VRK2: variants seen among roughly 807,000 people sequenced by gnomAD.
VRK2 encodes VRK serine/threonine kinase 2, also known as serine/threonine-protein kinase VRK2.
A neutral mutation model predicts 57.6 loss-of-function variants in VRK2; 60 were observed. That is an observed-to-expected ratio of 1.04 (90% CI 0.85 to 1.29). The LOEUF is 1.29. Ranked by LOEUF, VRK2 falls within the 50% of genes most tolerant of loss-of-function variation. VRK2 has a pLI of 0.00. For synonymous variants in VRK2, 231 were observed against 199.2 expected (o/e 1.16, Z -1.35); for missense variants, 705 against 588.1 (o/e 1.20, Z -2.06).
chr2:58,131,975 G>A, intron 9 of VRK2, 47 bp downstream of exon 9: 1 of 1,605,216 alleles, frequency 6.2e-7, no homozygotes, highest in South Asian at 1.1e-5. Flanking sequence ...AGGTCTGAAG[G>A]GATACATTAA....
rs145598345 is a variant in VRK2, at chr2:58,059,529, A to G, written c.136+10562A>G. ...AAGTAGGCCTTTTAAAGAGTAAAAC[A>G]AACAGAAAATACTTAAGATAAATAG... is the stretch of plus-strand genomic sequence containing the variant. On this transcript the variant is annotated intron_variant, in intron 2 of 12. Coordinates refer to ENST00000340157, the MANE Select transcript of VRK2 (RefSeq NM_006296.7). Among the ~76,000 whole-genome samples the G allele has an allele frequency of 4.3e-3, 647 of 152,076 alleles. 7 individuals carry two copies. Among genetic ancestry groups the G allele is most frequent in the African/African-American group, 0.015 (617 of 41,558 alleles).
At chr2:58,120,184 C>CTTTCTTTTTTTTTTTTTTTTTTTTTTT (rs1677215194) in intron 7 of VRK2, among the ~76,000 whole-genome samples, 1 of 51,988 alleles carries the variant, frequency 1.9e-5, no homozygotes, top group African/African-American at 1.0e-4. Flanking sequence ...TTTTTCTTTT[C>CTTTCTTTTTTTTTTTTTTTTTTTTTTT]TTTTTTTTTT....
chr2:58,126,437 A>G (rs560638080), intron 8 of VRK2, among the ~76,000 whole-genome samples: 20 of 152,272 alleles, frequency 1.3e-4, no homozygotes, highest in Non-Finnish European at 2.5e-4. Context: ...CAGTCATTAC[A>G]TCTAAGCATT....
intron 2 of VRK2, among the ~76,000 whole-genome samples, chr2:58,083,233 C>T (rs1342103707): frequency 6.6e-6 from 1 of 151,404 alleles, no homozygotes; most frequent in Non-Finnish European, 1.5e-5. Flanking sequence ...AATATTTTAG[C>T]TATTTAAATG....
intron 7 of VRK2, among the ~76,000 whole-genome samples, chr2:58,106,836 C>G (rs1674828783): frequency 6.6e-6 from 1 of 151,910 alleles, no homozygotes; most frequent in South Asian, 2.1e-4. Flanking sequence ...TCTAATAAAC[C>G]TCATATTTGA....
rs188318246 is a variant in VRK2, at chr2:57,955,359, A to G, written c.-439+47520A>G. Reference sequence around the variant, plus strand: ...TATATGCAAACACATATATCTAAATATATGCAAACACATAAATATATCTCT... The same window carrying G: ...TATATGCAAACACATATATCTAAATGTATGCAAACACATAAATATATCTCT... On this transcript the variant is annotated intron_variant, in intron 1 of 15. Transcript: ENST00000417641. Among the ~76,000 whole-genome samples the G allele has an allele frequency of 3.3e-3, 504 of 150,756 alleles. 4 individuals carry two copies. Among genetic ancestry groups the G allele is most frequent in the Admixed American group, 0.012 (183 of 15,246 alleles).
At chr2:57,916,732 G>A (rs924692449) in intron 1 of VRK2, among the ~76,000 whole-genome samples, 2 of 152,138 alleles carry the variant, frequency 1.3e-5, no homozygotes, top group Non-Finnish European at 2.9e-5. Flanking sequence ...CTTAGACCAT[G>A]TGTTTTACTA....
intron 2 of VRK2, among the ~76,000 whole-genome samples, chr2:58,065,605 A>G (rs1324245797): frequency 6.6e-6 from 1 of 152,100 alleles, no homozygotes; most frequent in East Asian, 1.9e-4. Flanking sequence ...TTTTCCATAT[A>G]CATAATTAAT....
intron 1 of VRK2, among the ~76,000 whole-genome samples, chr2:57,966,413 T>A (rs528742378): frequency 3.2e-4 from 48 of 152,312 alleles, no homozygotes; most frequent in African/African-American, 1.2e-3. Flanking sequence ...AGTAAGTATA[T>A]AGGTAATAAG....
At chr2:58,116,521 T>C (rs1331877264) in intron 7 of VRK2, among the ~76,000 whole-genome samples, 1 of 152,000 alleles carries the variant, frequency 6.6e-6, no homozygotes, top group African/African-American at 2.4e-5. Flanking sequence ...ACAACAGTTA[T>C]GGAGGCAAGG....
chr2:57,990,630 C>T (rs1672734481), intron 1 of VRK2, among the ~76,000 whole-genome samples: 1 of 152,134 alleles, frequency 6.6e-6, no homozygotes, highest in Non-Finnish European at 1.5e-5. Flanking sequence ...GTAGAGCTCA[C>T]ACATATGGAA....
At chr2:58,020,480 C>T (rs1673721386) in intron 1 of VRK2, among the ~76,000 whole-genome samples, 1 of 152,248 alleles carries the variant, frequency 6.6e-6, no homozygotes, top group African/African-American at 2.4e-5. Flanking sequence ...ACTGGGATTA[C>T]AGGTGCAAAG....
At chr2:57,936,608 A>C (rs189059302) in intron 1 of VRK2, among the ~76,000 whole-genome samples, 63 of 149,350 alleles carry the variant, frequency 4.2e-4, no homozygotes, top group Non-Finnish European at 7.5e-4. Flanking sequence ...ATCTCAGCTC[A>C]CTGCAACCTC....
At chr2:57,908,982 C>T (rs914105400) in intron 1 of VRK2, among the ~76,000 whole-genome samples, 2 of 152,126 alleles carry the variant, frequency 1.3e-5, no homozygotes, top group Non-Finnish European at 2.9e-5. Context: ...TAATTAGGGA[C>T]GTTCCAATAG....
chr2:58,140,316 C>G (rs1681144723), intron 11 of VRK2, among the ~76,000 whole-genome samples: 1 of 151,854 alleles, frequency 6.6e-6, no homozygotes, highest in Non-Finnish European at 1.5e-5. Flanking sequence ...TAAAAAAAAT[C>G]ATTTTTTAAA....
chr2:58,126,465 A>G (rs552578623), intron 8 of VRK2, among the ~76,000 whole-genome samples: 4 of 152,258 alleles, frequency 2.6e-5, no homozygotes, highest in African/African-American at 9.6e-5. Flanking sequence ...TCAAATTTAC[A>G]TAAAAGGAGA....
At chr2:58,059,367 A>T (rs561741044) in intron 2 of VRK2, among the ~76,000 whole-genome samples, 3 of 152,010 alleles carry the variant, frequency 2.0e-5, no homozygotes, top group Non-Finnish European at 2.9e-5. Flanking sequence ...CAACAGGAAG[A>T]TCTAAATAGA....
chr2:58,058,534 A>G (rs1234582936), intron 2 of VRK2: 2 of 381,144 alleles, frequency 5.2e-6, no homozygotes, highest in Non-Finnish European at 5.3e-6. Flanking sequence ...TAATGTTACC[A>G]AAGTCTCACT....
chr2:58,137,156 T>TTATATATCATATATATCATATATATCA (rs1680378990), intron 10 of VRK2, among the ~76,000 whole-genome samples: 1 of 24,442 alleles, frequency 4.1e-5, no homozygotes, highest in African/African-American at 1.2e-4. Flanking sequence ...TATCATGTGT[T>TTATATATCATATATATCATATATATCA]TATATATATC....
Sources: allele counts gnomAD v4.1 joint callset (sites outside exome capture counted in the v4.1 genomes callset), GRCh38; gene constraint gnomAD v4.1.1; transcripts MANE v1.5; gene names NCBI Gene and HGNC (gene_info 2026-07-23, HGNC 2026-07-21).